SLC6A11: variants seen among roughly 807,000 people sequenced by gnomAD.
SLC6A11 encodes the protein sodium- and chloride-dependent GABA transporter 3.
A neutral mutation model predicts 74.8 loss-of-function variants in SLC6A11; 25 were observed. That is an observed-to-expected ratio of 0.33 (90% CI 0.24 to 0.47). SLC6A11 has a LOEUF of 0.47. Ranked by LOEUF, SLC6A11 falls within the 20% of genes least tolerant of loss-of-function variation. The pLI is 1.00. For missense variants in SLC6A11, 574 were observed against 837.0 expected (o/e 0.69, Z 3.88); for synonymous variants, 330 against 330.2 (o/e 1.00, Z 0.01).
intron 1 of SLC6A11, among the ~76,000 whole-genome samples, chr3:10,817,629 G>A (rs1694080459): frequency 6.6e-6 from 1 of 152,202 alleles, no homozygotes; most frequent in Admixed American, 6.5e-5. Context: ...TCAGAAGTTG[G>A]CTGGCAGGGA....
intron 6 of SLC6A11, among the ~76,000 whole-genome samples, chr3:10,907,537 A>G (rs77851933): frequency 0.025 from 3,839 of 152,274 alleles, 166 homozygotes; most frequent in African/African-American, 0.088. Context: ...TCCTGAAAAA[A>G]TATACCATGA....
At chr3:10,886,515 G>A (rs112197630) in intron 6 of SLC6A11, among the ~76,000 whole-genome samples, 231 of 152,254 alleles carry the variant, frequency 1.5e-3, no homozygotes, top group African/African-American at 5.1e-3. Flanking sequence ...GAGCTCAAAC[G>A]TCCCTCACTA....
In SLC6A11 at chr3:10,929,252, G is replaced by A; in HGVS notation, c.1284G>A (p.Lys428=). 6.2e-7 allele frequency: 1 copy of A among 1,614,126 alleles called. No individual in the cohort carries two copies. The highest frequency in any genetic ancestry group is 1.1e-5 in the South Asian group (1 of 91,082). Residue 428 remains lysine (K), a synonymous_variant, in exon 10 of 14, where the codon AAG becomes AAA. Coordinates refer to ENST00000254488, the MANE Select transcript of SLC6A11 (RefSeq NM_014229.3). The stretch of plus-strand genomic sequence containing the variant: ...CCGCCGTGGTGGACATGTACCCCAA[G>A]GTTTTCCGGAGGGGTTACCGGCGGG... The part of the protein sequence containing the change: ...LVTAVVDMYP[K]VFRRGYRREL...
At chr3:10,846,310 G>C (rs544941265) in intron 5 of SLC6A11, among the ~76,000 whole-genome samples, 154 of 152,364 alleles carry the variant, frequency 1.0e-3, no homozygotes, top group African/African-American at 3.5e-3. Flanking sequence ...ACTGTGAAGA[G>C]AAGGGAGGAA....
chr3:10,819,770 C>T lies in SLC6A11; in HGVS notation c.450C>T (p.Ile150=). 2 of 1,614,242 alleles carry T rather than the reference C, an allele frequency of 1.2e-6. No homozygotes were observed. Among genetic ancestry groups the T allele is most frequent in the South Asian group, 1.1e-5 (1 of 91,086 alleles). The change falls in exon 3 of 14, where the codon ATC becomes ATT. Residue 150 remains isoleucine, a synonymous_variant. Coordinates refer to ENST00000254488, the MANE Select transcript of SLC6A11 (RefSeq NM_014229.3). ...ATCTGAATGTGTACTACATCATCAT[C>T]CTGGCATGGGCCATTTTTTACCTGA... ...EAHLNVYYII[I]LAWAIFYLSN...
At chr3:10,841,036 G>C (rs1694430747) in intron 4 of SLC6A11, among the ~76,000 whole-genome samples, 1 of 152,216 alleles carries the variant, frequency 6.6e-6, no homozygotes, top group Non-Finnish European at 1.5e-5. Flanking sequence ...TGGGTGGAAA[G>C]CTCCAGAAAT....
At chr3:10,894,820 G>A (rs541083730) in intron 6 of SLC6A11, among the ~76,000 whole-genome samples, 1 of 152,260 alleles carries the variant, frequency 6.6e-6, no homozygotes, top group South Asian at 2.1e-4. Flanking sequence ...AAAAAACCAA[G>A]GCAATGCATA....
intron 6 of SLC6A11, among the ~76,000 whole-genome samples, chr3:10,911,814 G>A (rs1695391143): frequency 6.6e-6 from 1 of 152,048 alleles, no homozygotes; most frequent in Non-Finnish European, 1.5e-5. Context: ...AGCTGAGGCC[G>A]GGGTCCTAAG....
chr3:10,837,416 A>G (rs1694380976), intron 4 of SLC6A11, among the ~76,000 whole-genome samples: 1 of 152,120 alleles, frequency 6.6e-6, no homozygotes. Context: ...TAATCACACA[A>G]TTCCCCATCT....
At chr3:10,833,657 G>A (rs1694327678) in intron 4 of SLC6A11, among the ~76,000 whole-genome samples, 1 of 152,180 alleles carries the variant, frequency 6.6e-6, no homozygotes, top group Non-Finnish European at 1.5e-5. Context: ...GAATCCTGCT[G>A]CTTCCACTTG....
At chr3:10,886,450 G>C (rs920044795) in intron 6 of SLC6A11, among the ~76,000 whole-genome samples, 10 of 152,164 alleles carry the variant, frequency 6.6e-5, no homozygotes, top group East Asian at 1.9e-4. Flanking sequence ...CCTGTGGCTG[G>C]CTCCCTGTCA....
chr3:10,919,685 A>G (rs1695510318), intron 8 of SLC6A11, among the ~76,000 whole-genome samples: 1 of 152,232 alleles, frequency 6.6e-6, no homozygotes, highest in Non-Finnish European at 1.5e-5. Context: ...AATCAGGCGT[A>G]CAAGCTAGAC....
intron 4 of SLC6A11, among the ~76,000 whole-genome samples, chr3:10,826,966 A>G (rs1400195136): frequency 6.6e-6 from 1 of 152,266 alleles, no homozygotes; most frequent in Admixed American, 6.5e-5. Context: ...CTAGTTTTCT[A>G]TTCAGATTGC....
intron 7 of SLC6A11, among the ~76,000 whole-genome samples, chr3:10,914,328 G>A (rs926884914): frequency 1.2e-4 from 18 of 152,092 alleles, no homozygotes; most frequent in African/African-American, 3.9e-4. Flanking sequence ...CTAGCTTAGC[G>A]GTCACATTAT....
At chr3:10,927,978 C>A (rs1695631541) in intron 9 of SLC6A11, among the ~76,000 whole-genome samples, 1 of 152,170 alleles carries the variant, frequency 6.6e-6, no homozygotes. Context: ...AGCAAGATCA[C>A]CTCGTTCAAA....
intron 6 of SLC6A11, among the ~76,000 whole-genome samples, chr3:10,881,327 G>A (rs1314980380): frequency 6.6e-6 from 1 of 152,154 alleles, no homozygotes. Context: ...GAGGCAGGAG[G>A]ATTGCTTGAA....
chr3:10,819,996 G>A, intron 3 of SLC6A11, 144 bp downstream of exon 3: 1 of 805,920 alleles, frequency 1.2e-6, no homozygotes, highest in Non-Finnish European at 2.0e-6. Flanking sequence ...ACTGGGGTCA[G>A]CTCTGCACCT....
chr3:10,881,410 C>T (rs763959982), intron 6 of SLC6A11, among the ~76,000 whole-genome samples: 13 of 152,094 alleles, frequency 8.5e-5, no homozygotes, highest in African/African-American at 2.9e-4. Context: ...AGCGAGACTC[C>T]GTCTCAAAAA....
At chr3:10,884,501 A>T (rs1695019170) in intron 6 of SLC6A11, among the ~76,000 whole-genome samples, 1 of 152,216 alleles carries the variant, frequency 6.6e-6, no homozygotes, top group East Asian at 1.9e-4. Flanking sequence ...AGGCTCTACC[A>T]ATGAGAGGAC....
Sources: gnomAD v4.1 joint callset for allele counts (sites outside exome capture counted in the v4.1 genomes callset) on GRCh38, gnomAD v4.1.1 for gene constraint, MANE v1.5 for transcripts, NCBI Gene and HGNC (gene_info 2026-07-23, HGNC 2026-07-21) for gene names.